The following SPG11 variants were observed in gnomAD, a reference collection of about 807,000 sequenced individuals.
SPG11 encodes the protein SPG11 vesicle trafficking associated, spatacsin.
A neutral mutation model predicts 274.0 loss-of-function variants in SPG11; 222 were observed. The observed-to-expected ratio is 0.81, with a 90% CI of 0.73 to 0.91. The LOEUF is 0.91. Among genes scored for constraint, SPG11 ranks in the 40% least tolerant of loss-of-function variants. The pLI, the probability that SPG11 is intolerant of heterozygous loss-of-function variation, is 0.00. For synonymous variants in SPG11, 1,144 were observed against 1,039.7 expected (o/e 1.10, Z -1.93); for missense variants, 3,114 against 2,872.7 (o/e 1.08, Z -1.92).
At chr15:44,660,121 T>G (rs2085061457) in intron 2 of SPG11, among the ~76,000 whole-genome samples, 1 of 151,914 alleles carries the variant, frequency 6.6e-6, no homozygotes, top group Admixed American at 6.6e-5. Context: ...TTGAAACAGG[T>G]GAAATTAATT....
intron 5 of SPG11, 34 bp from the exon 6 acceptor site, chr15:44,651,973 T>C: frequency 5.0e-6 from 8 of 1,596,754 alleles, no homozygotes; most frequent in Non-Finnish European, 6.8e-6. Context: ...TTAACACCTG[T>C]CACAGTAAAA....
intron 30 of SPG11, among the ~76,000 whole-genome samples, chr15:44,580,150 C>T (rs1464217569): frequency 6.6e-6 from 1 of 152,136 alleles, no homozygotes; most frequent in Non-Finnish European, 1.5e-5. Flanking sequence ...ATATTTTTTA[C>T]TGTACCTTTT....
At position 44,651,593 on chromosome 15, in the gene SPG11, G is replaced by A. The variant is rs141396952; in HGVS notation, c.1354C>T (p.Leu452Phe). 20 of 1,614,204 alleles carry A rather than the reference G, an allele frequency of 1.2e-5. No homozygotes were observed. The African/African-American group carries it at 2.0e-4, about 16-fold the overall frequency. The change falls in exon 6 of 40, where the codon CTC (leucine) becomes TTC (phenylalanine). Residue 452 changes from leucine (L) to phenylalanine (F), a missense_variant. Transcript: ENST00000261866. ...EVERMGYTIT[L>F]WDLETQGMQC... The stretch of plus-strand genomic sequence containing the variant: ...ATGCCCTGGGTCTCCAAATCCCAGA[G>A]GGTAATGGTATAGCCCATCCTTTCC...
chr15:44,564,467 T>C, intron 39 of SPG11, 80 bp downstream of exon 39: 2 of 1,427,044 alleles, frequency 1.4e-6, no homozygotes, highest in Non-Finnish European at 2.0e-6. Context: ...CATGGTGTAC[T>C]TAGCCATAAA....
intron 10 of SPG11, among the ~76,000 whole-genome samples, chr15:44,627,756 A>AT (rs1384085818): frequency 2.0e-5 from 3 of 151,878 alleles, no homozygotes; most frequent in South Asian, 2.1e-4. Context: ...CACCTGGCTA[A>AT]TTTTTTTGTA....
Position 44,598,611 on chromosome 15 carries a change from C to A in SPG11, c.3892+20G>T. ...TCACACCTTCTCTAAACAAAGCAGG[C>A]CAGATAAAAGGTGCTGTACCTACAG... is the stretch of plus-strand genomic sequence containing the variant. On this transcript the variant is annotated intron_variant, in intron 22 of 39. Coordinates refer to ENST00000261866, the MANE Select transcript of SPG11 (RefSeq NM_025137.4). 6.2e-7 allele frequency: 1 copy of A among 1,609,596 alleles called. No homozygotes were observed.
At position 44,615,453 on chromosome 15, in the gene SPG11, T is replaced by A. The variant is rs765222405; in HGVS notation, c.2948A>T (p.Lys983Ile). Residue 983 changes from lysine (K) to isoleucine (I), a missense_variant, in exon 16 of 40, where the codon AAA becomes ATA. Coordinates refer to ENST00000261866, the MANE Select transcript of SPG11 (RefSeq NM_025137.4). ...DTLPVQNYKT[K>I]EGWDFHSQFI... Reference sequence around the variant, plus strand: ...TTGAGAATGGAAATCCCAACCTTCTTTGGTCTTGTAGTTTTGAACAGGGAG... The same window carrying A: ...TTGAGAATGGAAATCCCAACCTTCTATGGTCTTGTAGTTTTGAACAGGGAG... 6.8e-6 allele frequency: 11 copies of A among 1,613,990 alleles called. No homozygotes were observed. Among genetic ancestry groups the A allele is most frequent in the Non-Finnish European group, 8.5e-6 (10 of 1,180,008 alleles).
chr15:44,586,252 C>T (rs2082763560), intron 28 of SPG11, among the ~76,000 whole-genome samples: 1 of 152,030 alleles, frequency 6.6e-6, no homozygotes, highest in Admixed American at 6.6e-5. Context: ...GGTTGACTAG[C>T]AGAGGAAGCC....
intron 38 of SPG11, 33 bp from the exon 39 acceptor site, chr15:44,564,731 G>C: frequency 6.2e-7 from 1 of 1,612,988 alleles, no homozygotes; most frequent in Non-Finnish European, 8.5e-7. Flanking sequence ...GACACCATCA[G>C]AGCCCATCTG....
Position 44,622,308 on chromosome 15 carries a change from C to T in SPG11, c.2356G>A (p.Glu786Lys). 6.4e-7 allele frequency: 1 copy of T among 1,566,382 alleles called. No individual in the cohort carries two copies. Among genetic ancestry groups the T allele is most frequent in the Non-Finnish European group, 8.7e-7 (1 of 1,145,286 alleles). ...TGCACGAAGTCTATAGTTCTTTTCT[C>T]TTTTTCAGAAAAATAATTTTTTTCT... Reference protein sequence around the residue: ...LKEKNYFSEKEKRTIDFVHQV... With the variant: ...LKEKNYFSEKKKRTIDFVHQV... The change falls in exon 13 of 40, where the codon GAG becomes AAG. Residue 786 changes from glutamate to lysine, a missense_variant. Transcript: ENST00000261866.
intron 3 of SPG11, 79 bp downstream of exon 3, chr15:44,659,000 A>G (rs2141125527): frequency 7.1e-7 from 1 of 1,404,560 alleles, no homozygotes; most frequent in East Asian, 2.3e-5. Flanking sequence ...AGCTCCCAAA[A>G]CTAAAGCCTA....
intron 19 of SPG11, 117 bp from the exon 20 acceptor site, chr15:44,606,208 G>C (rs1196625174): frequency 6.4e-6 from 5 of 775,554 alleles, no homozygotes; most frequent in Non-Finnish European, 1.1e-5. Context: ...GGCAATTTAA[G>C]GCTTATTCTG....
At chr15:44,632,326 A>G (rs186979956) in intron 8 of SPG11, among the ~76,000 whole-genome samples, 2 of 152,230 alleles carry the variant, frequency 1.3e-5, no homozygotes, top group Admixed American at 6.5e-5. Flanking sequence ...AGCTCACACC[A>G]AAACAATGGT....
At chr15:44,597,244 C>CA in intron 23 of SPG11, 1 of 311,112 alleles carries the variant, frequency 3.2e-6, no homozygotes, top group Non-Finnish European at 6.2e-6. Flanking sequence ...CTCCGAGTAG[C>CA]TGGGATTACA....
chr15:44,622,776 C>A lies in SPG11; in HGVS notation c.2268G>T (p.Leu756Phe). The stretch of plus-strand genomic sequence containing the variant: ...TAGTTGTATAGAAGCAGATCTTGAG[C>A]AATTGGCCTTTTACATCAAACCCCT... The part of the protein sequence containing the change: ...KNMGFDVKGQ[L>F]LKICFYTTNK... Residue 756 changes from leucine to phenylalanine, a missense_variant, in exon 12 of 40, where the codon TTG becomes TTT. Leu to Phe is a conservative substitution (Grantham distance 22). Coordinates refer to ENST00000261866, the MANE Select transcript of SPG11 (RefSeq NM_025137.4). 6.2e-7 allele frequency: 1 copy of A among 1,613,746 alleles called. No homozygotes were observed.
rs147076862 is a variant in SPG11, at chr15:44,566,274, T to C, written c.6786A>G (p.Lys2262=). 63 of 1,614,198 alleles carry C rather than the reference T, an allele frequency of 3.9e-5. No individual in the cohort carries two copies. The African/African-American group carries it at 6.9e-4, about 18-fold the overall frequency. ...GAGTCAGGGCCTTCAGCAGCAGTTG[T>C]TTCAGCTGGTGCCCATCCTTGAGGC... ...EDSLKDGHQL[K]QLLLKALTLM... Residue 2262 remains lysine (K), a synonymous_variant, in exon 37 of 40, where the codon AAA becomes AAG. Transcript: ENST00000261866.
chr15:44,629,415 T>C (rs780646011), intron 8 of SPG11, 27 bp from the exon 9 acceptor site: 2 of 1,607,922 alleles, frequency 1.2e-6, no homozygotes, highest in Non-Finnish European at 1.7e-6. Context: ...GAAATTAACA[T>C]AAAGAACACC....
chr15:44,624,664 T>A (rs185286419), intron 11 of SPG11, among the ~76,000 whole-genome samples: 1 of 152,320 alleles, frequency 6.6e-6, no homozygotes, highest in East Asian at 1.9e-4. Context: ...TGAGAGTAGA[T>A]CTCAAGTGTT....
intron 2 of SPG11, among the ~76,000 whole-genome samples, 176 bp from the exon 3 acceptor site, chr15:44,659,479 G>C (rs1160384156): frequency 6.6e-6 from 1 of 152,164 alleles, no homozygotes; most frequent in Non-Finnish European, 1.5e-5. Flanking sequence ...AGGTAGGTAA[G>C]AGGATGACTA....
Sources: allele counts gnomAD v4.1 joint callset (sites outside exome capture counted in the v4.1 genomes callset), GRCh38; gene constraint gnomAD v4.1.1; transcripts MANE v1.5; gene names NCBI Gene and HGNC (gene_info 2026-07-23, HGNC 2026-07-21).